The following SLC30A1 variants were observed in gnomAD, a reference collection of about 807,000 sequenced individuals.
The protein encoded by SLC30A1 is solute carrier family 30 member 1, also known as proton-coupled zinc antiporter SLC30A1.
In SLC30A1, 7 loss-of-function variants were observed where a neutral mutation model predicts 29.8. That is an observed-to-expected ratio of 0.23 (90% CI 0.13 to 0.44). The LOEUF (loss-of-function observed/expected upper bound fraction) is 0.44. Among genes scored for constraint, SLC30A1 ranks in the 20% least tolerant of loss-of-function variants. SLC30A1 has a pLI of 1.00. For missense variants in SLC30A1, 446 were observed against 647.9 expected, an observed-to-expected ratio of 0.69 and a Z score of 3.38; for synonymous variants, 254 against 253.5, an observed-to-expected ratio of 1.00 and a Z score of -0.02.
chr1:211,575,277 G>A lies in SLC30A1; in HGVS notation c.*111C>T. ...TCTTACAAAAATAGAATTAAACTGT[G>A]TGACCAGACAAGGACTTCAATTACA... On this transcript the variant is annotated 3_prime_UTR_variant, in exon 2 of 2. Transcript: ENST00000367001. The surrounding 1 kb of genome is among the most constrained non-coding windows in gnomAD (Gnocchi z 6.0). 7.1e-6 allele frequency: 6 copies of A among 843,770 alleles called. No homozygotes were observed. The highest frequency in any genetic ancestry group is 1.1e-5 in the Non-Finnish European group (6 of 529,892). 52.3% of individuals were successfully genotyped at this position (843,770 alleles called of 1,614,324 possible).
Position 211,577,923 on chromosome 1 carries a change from CCGAAGGCCAGG to C in SLC30A1, c.622+57_622+67del. The C allele has an allele frequency of 6.3e-7, 1 of 1,589,742 alleles. No individual in the cohort carries two copies. Among genetic ancestry groups the C allele is most frequent in the Non-Finnish European group, 8.6e-7 (1 of 1,169,048 alleles). Reference sequence around the variant, plus strand: ...AGCAGGGGGCGTGCGGGCCACCCCGCCGAAGGCCAGGCGAGGCTCTGGGCACCCCAAACCCA... The same window carrying C: ...AGCAGGGGGCGTGCGGGCCACCCCGCCGAGGCTCTGGGCACCCCAAACCCA... On this transcript the variant is annotated intron_variant, in intron 1 of 1. Transcript: ENST00000367001. The surrounding 1 kb of genome is among the most constrained non-coding windows in gnomAD (Gnocchi z 4.5).
rs764392121 is a variant in SLC30A1, at chr1:211,575,681, C to T, written c.1231G>A (p.Gly411Arg). 16 of 1,614,142 alleles carry T rather than the reference C, an allele frequency of 9.9e-6. No homozygotes were observed. Among genetic ancestry groups the T allele is most frequent in the Non-Finnish European group, 1.4e-5 (16 of 1,180,016 alleles). Residue 411 changes from glycine to arginine, a missense_variant, in exon 2 of 2, where the codon GGA becomes AGA. Around this residue, in one of 5 missense-constraint regions of SLC30A1, gnomAD observed 187 missense variants for 312.7 expected, o/e 0.60. Transcript: ENST00000367001. The surrounding 1 kb of genome is among the most constrained non-coding windows in gnomAD (Gnocchi z 6.0). Reference protein sequence around the residue: ...KTIKDVFHNHGIHATTIQPEF... With the variant: ...KTIKDVFHNHRIHATTIQPEF... ...GGCTGAATGGTAGTAGCGTGAATTC[C>T]GTGATTATGAAAAACGTCTTTAATG...
chr1:211,576,254 C>G lies in SLC30A1; in HGVS notation c.658G>C (p.Val220Leu). The change falls in exon 2 of 2, where the codon GTA (valine) becomes CTA (leucine). Residue 220 changes from valine to leucine, a missense_variant. By Grantham distance (32) the Val-to-Leu change is conservative. Coordinates refer to ENST00000367001, the MANE Select transcript of SLC30A1 (RefSeq NM_021194.3). ...CTGACAAGATTTCCATTCACTTGTACTTCCACTGTATCACCACTTCTGGGG... is the reference window on the plus strand; with the variant it reads ...CTGACAAGATTTCCATTCACTTGTAGTTCCACTGTATCACCACTTCTGGGG... ...ENPRSGDTVE[V>L]QVNGNLVREP... 6.2e-7 allele frequency: 1 copy of G among 1,609,566 alleles called. No homozygotes were observed. Among genetic ancestry groups the G allele is most frequent in the Non-Finnish European group, 8.5e-7 (1 of 1,178,328 alleles).
At position 211,575,864 on chromosome 1, in the gene SLC30A1, G is replaced by T. The variant is rs749811198; in HGVS notation, c.1048C>A (p.Gln350Lys). 6.2e-7 allele frequency: 1 copy of T among 1,613,378 alleles called. No individual in the cohort carries two copies. The highest frequency in any genetic ancestry group is 8.5e-7 in the Non-Finnish European group (1 of 1,179,560). Reference protein sequence around the residue: ...ALILLQTVPKQIDIRNLIKEL... With the variant: ...ALILLQTVPKKIDIRNLIKEL... Reference sequence around the variant, plus strand: ...TTTATCAAATTTCTGATATCAATTTGTTTAGGAACAGTTTGTAGAAGAATA... The same window carrying T: ...TTTATCAAATTTCTGATATCAATTTTTTTAGGAACAGTTTGTAGAAGAATA... Residue 350 changes from glutamine (Q) to lysine (K), a missense_variant, in exon 2 of 2, where the codon CAA becomes AAA. Around this residue, in one of 5 missense-constraint regions of SLC30A1, gnomAD observed 187 missense variants for 312.7 expected, o/e 0.60. Transcript: ENST00000367001. This position sits in a 1 kb window ranked among gnomAD's most constrained non-coding sequence, Gnocchi z 6.0.
Position 211,573,700 on chromosome 1 carries a change from C to T in SLC30A1, c.*1688G>A, listed in dbSNP as rs1432542180. On this transcript the variant is annotated 3_prime_UTR_variant, in exon 2 of 2. Coordinates refer to ENST00000367001, the MANE Select transcript of SLC30A1 (RefSeq NM_021194.3). ...AACTATCAGTTTAGGAATTGAATTA[C>T]ACAATATCAGATAAGAATATTAAAA... 3.3e-5 allele frequency: 5 copies of T among 151,978 alleles called. No individual in the cohort carries two copies. The highest frequency in any genetic ancestry group is 1.2e-4 in the African/African-American group (5 of 41,412). 9.4% of individuals were successfully genotyped at this position (151,978 alleles called of 1,614,324 possible).
rs1706689589 is a variant in SLC30A1 at position 211,574,136 on chromosome 1, T to C, written c.*1252A>G. 1 of 152,212 alleles carries C rather than the reference T, an allele frequency of 6.6e-6. No homozygotes were observed. Among genetic ancestry groups the C allele is most frequent in the Non-Finnish European group, 1.5e-5 (1 of 67,900 alleles). 9.4% of individuals were successfully genotyped at this position (152,212 alleles called of 1,614,324 possible). ...AGCATACCCTCTATCAAGAAAAATA[T>C]AACTTAAACACCCTTAAATATTTGT... On this transcript the variant is annotated 3_prime_UTR_variant, in exon 2 of 2. Coordinates refer to ENST00000367001, the MANE Select transcript of SLC30A1 (RefSeq NM_021194.3).
Position 211,575,951 on chromosome 1 carries a change from A to T in SLC30A1, c.961T>A (p.Cys321Ser). ...AGAAGTATACAAACCATTACAACAC[A>T]AAGAGTTGGATCTAAATATAGCACC... Reference protein sequence around the residue: ...CWVLYLDPTLCVVMVCILLYT... With the variant: ...CWVLYLDPTLSVVMVCILLYT... The change falls in exon 2 of 2, where the codon TGT becomes AGT. Residue 321 changes from cysteine to serine, a missense_variant. Cys to Ser is a moderately radical substitution (Grantham distance 112). Around this residue, in one of 5 missense-constraint regions of SLC30A1, gnomAD observed 187 missense variants for 312.7 expected, o/e 0.60. Transcript: ENST00000367001. This position sits in a 1 kb window ranked among gnomAD's most constrained non-coding sequence, Gnocchi z 6.0. 1 of 1,613,392 alleles carries T rather than the reference A, an allele frequency of 6.2e-7. No individual in the cohort carries two copies. The highest frequency in any genetic ancestry group is 1.6e-4 in the Middle Eastern group (1 of 6,062).
Position 211,575,647 on chromosome 1 carries a change from G to A in SLC30A1, c.1265C>T (p.Ala422Val). ...IHATTIQPEF[A>V]SVGSKSSVVP... ...TACACTTGATTTAGAGCCTACACTA[G>A]CAAATTCAGGCTGAATGGTAGTAGC... The change falls in exon 2 of 2, where the codon GCT becomes GTT. Residue 422 changes from alanine to valine, a missense_variant. Transcript: ENST00000367001. This position sits in a 1 kb window ranked among gnomAD's most constrained non-coding sequence, Gnocchi z 6.0. The A allele has an allele frequency of 6.2e-7, 1 of 1,614,142 alleles. No homozygotes were observed. Among genetic ancestry groups the A allele is most frequent in the Non-Finnish European group, 8.5e-7 (1 of 1,180,008 alleles).
chr1:211,575,642 C>A lies in SLC30A1; in HGVS notation c.1270G>T (p.Val424Leu), dbSNP rs1463471735. Residue 424 changes from valine to leucine, a missense_variant, in exon 2 of 2, where the codon GTA becomes TTA. By Grantham distance (32) the Val-to-Leu change is conservative. This residue lies in a region of SLC30A1 where 187 missense variants were observed against 312.7 expected (regional missense o/e 0.60). Coordinates refer to ENST00000367001, the MANE Select transcript of SLC30A1 (RefSeq NM_021194.3). This position sits in a 1 kb window ranked among gnomAD's most constrained non-coding sequence, Gnocchi z 6.0. ...ATTIQPEFAS[V>L]GSKSSVVPCE... ...GGAACTACACTTGATTTAGAGCCTA[C>A]ACTAGCAAATTCAGGCTGAATGGTA... is the stretch of plus-strand genomic sequence containing the variant. 6.2e-7 allele frequency: 1 copy of A among 1,614,074 alleles called. No homozygotes were observed. Among genetic ancestry groups the A allele is most frequent in the African/African-American group, 1.3e-5 (1 of 74,940 alleles).
Position 211,577,688 on chromosome 1 carries a change from A to C in SLC30A1, c.622+303T>G, listed in dbSNP as rs1706736279. On this transcript the variant is annotated intron_variant, in intron 1 of 1. Transcript: ENST00000367001. The surrounding 1 kb of genome is among the most constrained non-coding windows in gnomAD (Gnocchi z 4.5). ...TTGCTGCAGCCTGTAAAGACAGCCAAGTGCGGGTGTGGACTGCAGCGGGAT... is the reference window on the plus strand; with the variant it reads ...TTGCTGCAGCCTGTAAAGACAGCCACGTGCGGGTGTGGACTGCAGCGGGAT... Among the ~76,000 whole-genome samples, 1 of 152,254 alleles carries C rather than the reference A, an allele frequency of 6.6e-6. No individual in the cohort carries two copies. The highest frequency in any genetic ancestry group is 1.5e-5 in the Non-Finnish European group (1 of 68,040).
chr1:211,571,662 C>T lies in SLC30A1; in HGVS notation c.*3726G>A, dbSNP rs1441478861. 1 of 152,102 alleles carries T rather than the reference C, an allele frequency of 6.6e-6. No homozygotes were observed. The highest frequency in any genetic ancestry group is 1.5e-5 in the Non-Finnish European group (1 of 67,986). 9.4% of individuals were successfully genotyped at this position (152,102 alleles called of 1,614,324 possible). On this transcript the variant is annotated 3_prime_UTR_variant, in exon 2 of 2. Transcript: ENST00000367001. The stretch of plus-strand genomic sequence containing the variant: ...CATATAGAACATTTATAATACATAA[C>T]AATCCATAAAGCCTCATGGTGAGGT...
rs1285282049 is a variant in SLC30A1, at chr1:211,574,903, C to T, written c.*485G>A. 1 of 153,972 alleles carries T rather than the reference C, an allele frequency of 6.5e-6. No individual in the cohort carries two copies. The highest frequency in any genetic ancestry group is 2.4e-5 in the African/African-American group (1 of 41,396). The allele number at this position is 153,972 out of a possible 1,614,324, so 9.5% of individuals were successfully genotyped here. ...CATGAGTCACTCTTAAAATATGCTGCCATTATGCTATGTAATGATCTCAAA... is the reference window on the plus strand; with the variant it reads ...CATGAGTCACTCTTAAAATATGCTGTCATTATGCTATGTAATGATCTCAAA... On this transcript the variant is annotated 3_prime_UTR_variant, in exon 2 of 2. Coordinates refer to ENST00000367001, the MANE Select transcript of SLC30A1 (RefSeq NM_021194.3).
In SLC30A1 at chr1:211,575,077, A is replaced by G. The variant is rs1183440092; in HGVS notation, c.*311T>C. The stretch of plus-strand genomic sequence containing the variant: ...TTTATTTATCCCCCTAATTTTTATC[A>G]TGGGAAAAATCCAGAAATCAAATGT... On this transcript the variant is annotated 3_prime_UTR_variant, in exon 2 of 2. Transcript: ENST00000367001. The surrounding 1 kb of genome is among the most constrained non-coding windows in gnomAD (Gnocchi z 6.0). The G allele has an allele frequency of 2.6e-5, 5 of 195,366 alleles. No homozygotes were observed. The Admixed American group carries it at 2.8e-4, about 11-fold the overall frequency. The allele number at this position is 195,366 out of a possible 1,614,324, so 12.1% of individuals were successfully genotyped here.
chr1:211,577,497 C>T lies in SLC30A1; in HGVS notation c.622+494G>A, dbSNP rs910566751. Reference sequence around the variant, plus strand: ...CACGCTCTGAATGCATATTATGAAACGGAGTTCAATGGGCATAAGAACTAC... The same window carrying T: ...CACGCTCTGAATGCATATTATGAAATGGAGTTCAATGGGCATAAGAACTAC... On this transcript the variant is annotated intron_variant, in intron 1 of 1. Transcript: ENST00000367001. This position sits in a 1 kb window ranked among gnomAD's most constrained non-coding sequence, Gnocchi z 4.5. 6.6e-6 allele frequency among the ~76,000 whole-genome samples: 1 copy of T among 152,146 alleles called. No individual in the cohort carries two copies. Among genetic ancestry groups the T allele is most frequent in the Non-Finnish European group, 1.5e-5 (1 of 68,022 alleles).
intron 1 of SLC30A1, among the ~76,000 whole-genome samples, chr1:211,576,915 T>C (rs1482788100): frequency 6.6e-6 from 1 of 152,174 alleles, no homozygotes; most frequent in Non-Finnish European, 1.5e-5. Flanking sequence ...ATTGATCTTT[T>C]CAAAAAGTAT....
At position 211,572,338 on chromosome 1, in the gene SLC30A1, T is replaced by C. The variant is rs936875235; in HGVS notation, c.*3050A>G. 6.6e-6 allele frequency: 1 copy of C among 152,134 alleles called. No homozygotes were observed. The highest frequency in any genetic ancestry group is 2.4e-5 in the African/African-American group (1 of 41,466). 9.4% of individuals were successfully genotyped at this position (152,134 alleles called of 1,614,324 possible). On this transcript the variant is annotated 3_prime_UTR_variant, in exon 2 of 2. Coordinates refer to ENST00000367001, the MANE Select transcript of SLC30A1 (RefSeq NM_021194.3). ...TTTTATATTGTAGAATTACTCTCCA[T>C]ATTTGTGTGAACATCTTAAGACAGC... is the stretch of plus-strand genomic sequence containing the variant.
In SLC30A1 at chr1:211,575,527, G is replaced by A. The variant is rs373054108; in HGVS notation, c.1385C>T (p.Thr462Ile). ...QAPSGKDAEK[T>I]PAVSISCLEL... Reference sequence around the variant, plus strand: ...TAAACAAGAAATGCTAACTGCTGGGGTCTTTTCTGCATCCTTTCCAGAAGG... The same window carrying A: ...TAAACAAGAAATGCTAACTGCTGGGATCTTTTCTGCATCCTTTCCAGAAGG... Residue 462 changes from threonine (T) to isoleucine (I), a missense_variant, in exon 2 of 2, where the codon ACC becomes ATC. This residue lies in a region of SLC30A1 where 187 missense variants were observed against 312.7 expected (regional missense o/e 0.60). Transcript: ENST00000367001. The surrounding 1 kb of genome is among the most constrained non-coding windows in gnomAD (Gnocchi z 6.0). 1.6e-4 allele frequency: 251 copies of A among 1,614,040 alleles called. 1 individual carries two copies. Among genetic ancestry groups the A allele is most frequent in the Non-Finnish European group, 2.1e-4 (245 of 1,180,028 alleles).
chr1:211,576,089 C>G lies in SLC30A1; in HGVS notation c.823G>C (p.Gly275Arg). ...NALVFYFSWK[G>R]CSEGDFCVNP... is the part of the protein sequence containing the mutation. ...ACACAAAAATCCCCTTCAGAACAAC[C>G]TTTCCAAGAAAAGTAAAAGACTAAG... The change falls in exon 2 of 2, where the codon GGT becomes CGT. Residue 275 changes from glycine to arginine, a missense_variant. Physicochemically the swap from Gly to Arg is moderately radical, Grantham distance 125. Around this residue, in one of 5 missense-constraint regions of SLC30A1, gnomAD observed 187 missense variants for 312.7 expected, o/e 0.60. Transcript: ENST00000367001. The G allele has an allele frequency of 6.2e-7, 1 of 1,613,492 alleles. No homozygotes were observed. The highest frequency in any genetic ancestry group is 8.5e-7 in the Non-Finnish European group (1 of 1,179,824).
rs1706746365 is a variant in SLC30A1, at chr1:211,578,157, ACCCCCGTGCGAGTGGCCGTGG to A, written c.435_455del (p.Ser149_His155del). 1 of 1,607,864 alleles carries A rather than the reference ACCCCCGTGCGAGTGGCCGTGG, an allele frequency of 6.2e-7. No individual in the cohort carries two copies. The highest frequency in any genetic ancestry group is 1.3e-5 in the African/African-American group (1 of 74,780). ...TGGGGAGGCCGTGGCCGTGGCCGTG[ACCCCCGTGCGAGTGGCCGTGG>A]CCGGAGTCCTGGCTGAAGCCGCTGT... On this transcript the variant is annotated inframe_deletion, in exon 1 of 2. Coordinates refer to ENST00000367001, the MANE Select transcript of SLC30A1 (RefSeq NM_021194.3).
Sources: gnomAD v4.1 joint callset for allele counts (sites outside exome capture counted in the v4.1 genomes callset) on GRCh38, gnomAD v4.1.1 for gene constraint, gnomAD v4.1.1 regional missense constraint, Gnocchi (gnomAD v3.1) non-coding constraint, MANE v1.5 for transcripts, NCBI Gene and HGNC (gene_info 2026-07-23, HGNC 2026-07-21) for gene names.